The following PPP1R3D variants were observed in gnomAD, a reference collection of about 807,000 sequenced individuals.
The protein encoded by PPP1R3D is protein phosphatase 1 regulatory subunit 3D, also known as PP1 subunit R6.
A neutral mutation model predicts 16.3 loss-of-function variants in PPP1R3D; 27 were observed. The observed-to-expected ratio is 1.66, with a 90% CI of 1.22 to 2.29. PPP1R3D has a LOEUF of 2.29. Among genes scored for constraint, PPP1R3D ranks in the 30% most tolerant of loss-of-function variants. The probability of loss-of-function intolerance (pLI) is 0.00; values close to 1 mark genes in which losing one functional copy is unlikely to be tolerated. For synonymous variants in PPP1R3D, 223 were observed against 209.7 expected (o/e 1.06, Z -0.55); for missense variants, 472 against 438.3 (o/e 1.08, Z -0.69).
At position 59,938,783 on chromosome 20, in the gene PPP1R3D, C is replaced by G. The variant is rs952637225; in HGVS notation, c.*249G>C. On this transcript the variant is annotated 3_prime_UTR_variant, in exon 1 of 1. Coordinates refer to ENST00000370996, the MANE Select transcript of PPP1R3D (RefSeq NM_006242.4). ...CCCACCCTCCCATGCACCTACCCCA[C>G]CACCCTGCCCCAACTCATTACACAA... 1 of 354,782 alleles carries G rather than the reference C, an allele frequency of 2.8e-6. No homozygotes were observed. The highest frequency in any genetic ancestry group is 5.0e-6 in the Non-Finnish European group (1 of 199,274). 22.0% of individuals were successfully genotyped at this position (354,782 alleles called of 1,614,324 possible). A position where few individuals can be genotyped will look rare whatever the true frequency, so the allele number is the denominator to read the frequency against.
At position 59,938,294 on chromosome 20, in the gene PPP1R3D, A is replaced by T. The variant is rs568605770; in HGVS notation, c.*738T>A. The T allele has an allele frequency of 5.2e-5, 8 of 152,418 alleles. No homozygotes were observed. Among genetic ancestry groups the T allele is most frequent in the African/African-American group, 1.9e-4 (8 of 41,592 alleles). 9.4% of individuals were successfully genotyped at this position (152,418 alleles called of 1,614,324 possible). ...AATGCAGAGAAATAACTGTTTTGCT[A>T]GTTTAAAAGTCTGAAGCTTTTCCCT... is the stretch of plus-strand genomic sequence containing the variant. On this transcript the variant is annotated 3_prime_UTR_variant, in exon 1 of 1. Transcript: ENST00000370996.
rs2060878897 is a variant in PPP1R3D, at chr20:59,939,026, C to T, written c.*6G>A. On this transcript the variant is annotated 3_prime_UTR_variant, in exon 1 of 1. Coordinates refer to ENST00000370996, the MANE Select transcript of PPP1R3D (RefSeq NM_006242.4). ...GGAGGCTCCAGGTGGCCGGTCCCCG[C>T]GCGGCTCAGATGAAGTGGATCCAGC... 1 of 1,510,838 alleles carries T rather than the reference C, an allele frequency of 6.6e-7. No individual in the cohort carries two copies. The highest frequency in any genetic ancestry group is 8.8e-7 in the Non-Finnish European group (1 of 1,132,010). The allele number at this position is 1,510,838 out of a possible 1,614,324, so 93.6% of individuals were successfully genotyped here.
chr20:59,939,356 C>G lies in PPP1R3D; in HGVS notation c.576G>C (p.Thr192=). 1 of 1,610,880 alleles carries G rather than the reference C, an allele frequency of 6.2e-7. No individual in the cohort carries two copies. Among genetic ancestry groups the G allele is most frequent in the South Asian group, 1.1e-5 (1 of 91,034 alleles). ...CGAAGGCCACGTTGCACACGCGCAC[C>G]GTACCGCTGATGCCAAGGTCCGAGC... ...VTCSDLGISG[T]VRVCNVAFEK... Residue 192 remains threonine, a synonymous_variant, in exon 1 of 1, where the codon ACG becomes ACC. Transcript: ENST00000370996.
Position 59,939,586 on chromosome 20 carries a change from C to A in PPP1R3D, c.346G>T (p.Val116Phe). The change falls in exon 1 of 1, where the codon GTC (valine) becomes TTC (phenylalanine). Residue 116 changes from valine (V) to phenylalanine (F), a missense_variant. By Grantham distance (50) the Val-to-Phe change is conservative. Transcript: ENST00000370996. ...TCGTCTCCCGCGTTGAACACCTTGACCTGTGCCAGCTCCAAGCCCAGGGCG... is the reference window on the plus strand; with the variant it reads ...TCGTCTCCCGCGTTGAACACCTTGAACTGTGCCAGCTCCAAGCCCAGGGCG... ...ADALGLELAQ[V>F]KVFNAGDDPS... is the part of the protein sequence containing the mutation. 6.2e-7 allele frequency: 1 copy of A among 1,608,006 alleles called. No individual in the cohort carries two copies. Among genetic ancestry groups the A allele is most frequent in the Non-Finnish European group, 8.5e-7 (1 of 1,177,320 alleles).
Position 59,939,509 on chromosome 20 carries a change from C to T in PPP1R3D, c.423G>A (p.Leu141=), listed in dbSNP as rs776378402. Residue 141 remains leucine, a synonymous_variant, in exon 1 of 1, where the codon CTG becomes CTA. Transcript: ENST00000370996. The part of the protein sequence containing the change: ...VLSRLAINSD[L]CCSSQDLEFT... ...ACTCCAGGTCCTGGCTGCTGCAGCACAGGTCCGAGTTGATTGCGAGCCGCG... is the reference window on the plus strand; with the variant it reads ...ACTCCAGGTCCTGGCTGCTGCAGCATAGGTCCGAGTTGATTGCGAGCCGCG... 6.8e-6 allele frequency: 11 copies of T among 1,612,084 alleles called. No individual in the cohort carries two copies. In the Admixed American group the frequency reaches 1.7e-4, roughly 24 times the overall value.
At position 59,939,121 on chromosome 20, in the gene PPP1R3D, C is replaced by G. The variant is rs371051588; in HGVS notation, c.811G>C (p.Asp271His). The G allele has an allele frequency of 1.6e-5, 25 of 1,605,532 alleles. No homozygotes were observed. The highest frequency in any genetic ancestry group is 2.1e-5 in the Non-Finnish European group (25 of 1,177,650). ...CATGTGAGGCTGTAGTCTCGGTGGT[C>G]GTTGTTGTCCCAGTACTCGGCACCC... ...VAGAEYWDNN[D>H]HRDYSLTCRN... is the part of the protein sequence containing the mutation. The change falls in exon 1 of 1, where the codon GAC (aspartate) becomes CAC (histidine). Residue 271 changes from aspartate (D) to histidine (H), a missense_variant. Transcript: ENST00000370996.
Position 59,938,920 on chromosome 20 carries a change from G to T in PPP1R3D, c.*112C>A. 2 of 1,085,074 alleles carry T rather than the reference G, an allele frequency of 1.8e-6. No homozygotes were observed. Among genetic ancestry groups the T allele is most frequent in the South Asian group, 2.4e-5 (1 of 41,392 alleles). 67.2% of individuals were successfully genotyped at this position (1,085,074 alleles called of 1,614,324 possible). On this transcript the variant is annotated 3_prime_UTR_variant, in exon 1 of 1. Transcript: ENST00000370996. ...GACCTTGCAGCAGAAAATTAGGTCAGAGGACTTGGAGGGTGGTGAAGAACA... is the reference window on the plus strand; with the variant it reads ...GACCTTGCAGCAGAAAATTAGGTCATAGGACTTGGAGGGTGGTGAAGAACA...
rs758645982 is a variant in PPP1R3D at position 59,939,387 on chromosome 20, A to G, written c.545T>C (p.Val182Ala). The G allele has an allele frequency of 1.9e-6, 3 of 1,610,744 alleles. No homozygotes were observed. The highest frequency in any genetic ancestry group is 2.5e-6 in the Non-Finnish European group (3 of 1,179,526). Residue 182 changes from valine to alanine, a missense_variant, in exon 1 of 1, where the codon GTC becomes GCC. Transcript: ENST00000370996. Reference protein sequence around the residue: ...LQRQLVCLERVTCSDLGISGT... With the variant: ...LQRQLVCLERATCSDLGISGT... ...GCTGATGCCAAGGTCCGAGCAAGTG[A>G]CACGCTCCAGGCACACGAGCTGCCG...
At position 59,937,057 on chromosome 20, in the gene PPP1R3D, T is replaced by C. The variant is rs890328940; in HGVS notation, c.*1975A>G. 2 of 152,648 alleles carry C rather than the reference T, an allele frequency of 1.3e-5. No individual in the cohort carries two copies. The highest frequency in any genetic ancestry group is 4.8e-5 in the African/African-American group (2 of 41,446). 9.5% of individuals were successfully genotyped at this position (152,648 alleles called of 1,614,324 possible). On this transcript the variant is annotated 3_prime_UTR_variant, in exon 1 of 1. Coordinates refer to ENST00000370996, the MANE Select transcript of PPP1R3D (RefSeq NM_006242.4). ...AAGCTTTTAAATTTCATAATGTTGG[T>C]ATTTTTTAAAAGGCACGGGAGGTTC...
rs778759736 is a variant in PPP1R3D at position 59,939,139 on chromosome 20, C to T, written c.793G>A (p.Glu265Lys). The change falls in exon 1 of 1, where the codon GAG becomes AAG. Residue 265 changes from glutamate (E) to lysine (K), a missense_variant. Coordinates refer to ENST00000370996, the MANE Select transcript of PPP1R3D (RefSeq NM_006242.4). ...FAVRYQVAGA[E>K]YWDNNDHRDY... ...CGGTGGTCGTTGTTGTCCCAGTACTCGGCACCCGCCACTTGGTAGCGCACC... is the reference window on the plus strand; with the variant it reads ...CGGTGGTCGTTGTTGTCCCAGTACTTGGCACCCGCCACTTGGTAGCGCACC... 3 of 1,603,496 alleles carry T rather than the reference C, an allele frequency of 1.9e-6. No individual in the cohort carries two copies. The highest frequency in any genetic ancestry group is 2.6e-6 in the Non-Finnish European group (3 of 1,176,318).
chr20:59,939,549 GGCACGGACGGGTCGTCTCCC>G lies in PPP1R3D; in HGVS notation c.363_382del (p.Gly122AlafsTer229). On this transcript the variant is annotated frameshift_variant, in exon 1 of 1. Transcript: ENST00000370996. LOFTEE classifies it high-confidence loss of function. ...TGCGAGCCGCGACAGCACGTGCAGCGGCACGGACGGGTCGTCTCCCGCGTTGAACACCTTGACCTGTGCCA... is the reference window on the plus strand; with the variant it reads ...TGCGAGCCGCGACAGCACGTGCAGCGGCGTTGAACACCTTGACCTGTGCCA... The G allele has an allele frequency of 6.2e-7, 1 of 1,611,760 alleles. No homozygotes were observed. The highest frequency in any genetic ancestry group is 2.2e-5 in the East Asian group (1 of 44,850).
At position 59,939,927 on chromosome 20, in the gene PPP1R3D, G is replaced by A. The variant is rs1235703440; in HGVS notation, c.5C>T (p.Ser2Phe). The A allele has an allele frequency of 1.6e-6, 2 of 1,262,336 alleles. No homozygotes were observed. The highest frequency in any genetic ancestry group is 2.0e-6 in the Non-Finnish European group (2 of 998,250). 78.2% of individuals were successfully genotyped at this position (1,262,336 alleles called of 1,614,324 possible). ...CAGGACCGCGGAGCTCGGGCCTCTG[G>A]ACATGGCCCCGCCGGCCGTCGGAAG... is the stretch of plus-strand genomic sequence containing the variant. M[S>F]RGPSSAVLPS... The change falls in exon 1 of 1, where the codon TCC (serine) becomes TTC (phenylalanine). Residue 2 changes from serine to phenylalanine, a missense_variant. Physicochemically the swap from Ser to Phe is radical, Grantham distance 155. Coordinates refer to ENST00000370996, the MANE Select transcript of PPP1R3D (RefSeq NM_006242.4).
At position 59,938,859 on chromosome 20, in the gene PPP1R3D, G is replaced by A. The variant is rs2060877744; in HGVS notation, c.*173C>T. ...ACTTTTTAGACCAAGTGACTCAGAC[G>A]TTTCAAGTAGAAGACAGGATGGGCC... On this transcript the variant is annotated 3_prime_UTR_variant, in exon 1 of 1. Coordinates refer to ENST00000370996, the MANE Select transcript of PPP1R3D (RefSeq NM_006242.4). The A allele has an allele frequency of 1.7e-5, 9 of 543,864 alleles. No homozygotes were observed. Among genetic ancestry groups the A allele is most frequent in the Admixed American group, 4.0e-5 (1 of 24,712 alleles). The allele number at this position is 543,864 out of a possible 1,614,324, so 33.7% of individuals were successfully genotyped here.
In PPP1R3D at chr20:59,938,138, G is replaced by A. The variant is rs1725215226; in HGVS notation, c.*894C>T. ...GTAATTGCAAAGGGCACTGTTGCCT[G>A]AAATTCTCTAGTCACCTGAAAACTG... On this transcript the variant is annotated 3_prime_UTR_variant, in exon 1 of 1. Transcript: ENST00000370996. The A allele has an allele frequency of 6.6e-6, 1 of 152,222 alleles. No individual in the cohort carries two copies. Among genetic ancestry groups the A allele is most frequent in the Non-Finnish European group, 1.5e-5 (1 of 68,034 alleles). 9.4% of individuals were successfully genotyped at this position (152,222 alleles called of 1,614,324 possible). A position where few individuals can be genotyped will look rare whatever the true frequency, so the allele number is the denominator to read the frequency against.
In PPP1R3D at chr20:59,939,926, G is replaced by T; in HGVS notation, c.6C>A (p.Ser2=). 1 of 1,261,998 alleles carries T rather than the reference G, an allele frequency of 7.9e-7. No individual in the cohort carries two copies. 78.2% of individuals were successfully genotyped at this position (1,261,998 alleles called of 1,614,324 possible). A position where few individuals can be genotyped will look rare whatever the true frequency, so the allele number is the denominator to read the frequency against. M[S]RGPSSAVLPS... ...GCAGGACCGCGGAGCTCGGGCCTCT[G>T]GACATGGCCCCGCCGGCCGTCGGAA... is the stretch of plus-strand genomic sequence containing the variant. Residue 2 remains serine, a synonymous_variant, in exon 1 of 1, where the codon TCC becomes TCA. Transcript: ENST00000370996.
In PPP1R3D at chr20:59,938,983, G is replaced by C; in HGVS notation, c.*49C>G. ...TGAGAGCCCAGCAGGGAAATGACAG[G>C]AGGCGCAGCTTAGGTGTGGAGGCTC... On this transcript the variant is annotated 3_prime_UTR_variant, in exon 1 of 1. Coordinates refer to ENST00000370996, the MANE Select transcript of PPP1R3D (RefSeq NM_006242.4). The C allele has an allele frequency of 2.1e-6, 3 of 1,447,384 alleles. No homozygotes were observed. Among genetic ancestry groups the C allele is most frequent in the Non-Finnish European group, 2.7e-6 (3 of 1,100,528 alleles). 89.7% of individuals were successfully genotyped at this position (1,447,384 alleles called of 1,614,324 possible). A position where few individuals can be genotyped will look rare whatever the true frequency, so the allele number is the denominator to read the frequency against.
In PPP1R3D at chr20:59,939,252, G is replaced by T. The variant is rs1290691086; in HGVS notation, c.680C>A (p.Ala227Glu). 3.7e-6 allele frequency: 6 copies of T among 1,611,806 alleles called. No individual in the cohort carries two copies. The East Asian group carries it at 1.1e-4, about 30-fold the overall frequency. ...AACGTCCTCCGTGCCCTCGGGGCCT[G>T]CGGGCCCGCGCCACCGCGCCACCGC... ...HEAVARWRGP[A>E]GPEGTEDVFT... is the part of the protein sequence containing the mutation. Residue 227 changes from alanine (A) to glutamate (E), a missense_variant, in exon 1 of 1, where the codon GCA (alanine) becomes GAA (glutamate). Physicochemically the swap from Ala to Glu is moderately radical, Grantham distance 107. Coordinates refer to ENST00000370996, the MANE Select transcript of PPP1R3D (RefSeq NM_006242.4).
rs1286504626 is a variant in PPP1R3D, at chr20:59,938,943, ACAAC to A, written c.*85_*88del. 1.5e-6 allele frequency: 2 copies of A among 1,306,590 alleles called. No homozygotes were observed. The highest frequency in any genetic ancestry group is 2.0e-6 in the Non-Finnish European group (2 of 994,344). The allele number at this position is 1,306,590 out of a possible 1,614,324, so 80.9% of individuals were successfully genotyped here. ...CAGAGGACTTGGAGGGTGGTGAAGA[ACAAC>A]CAGATAGATGTGAGAGCCCAGCAGG... On this transcript the variant is annotated 3_prime_UTR_variant, in exon 1 of 1. Transcript: ENST00000370996.
chr20:59,937,279 G>A lies in PPP1R3D; in HGVS notation c.*1753C>T, dbSNP rs1052752602. 1.3e-5 allele frequency: 2 copies of A among 152,644 alleles called. No homozygotes were observed. The highest frequency in any genetic ancestry group is 4.8e-5 in the African/African-American group (2 of 41,444). The allele number at this position is 152,644 out of a possible 1,614,324, so 9.5% of individuals were successfully genotyped here. A position where few individuals can be genotyped will look rare whatever the true frequency, so the allele number is the denominator to read the frequency against. ...TAGCAGTGAAGGCCCTAACAGGCTT[G>A]CTGACCTAATTGGACAGTTTGTTAA... On this transcript the variant is annotated 3_prime_UTR_variant, in exon 1 of 1. Coordinates refer to ENST00000370996, the MANE Select transcript of PPP1R3D (RefSeq NM_006242.4).
Sources: gnomAD v4.1 joint callset for allele counts on GRCh38, gnomAD v4.1.1 for gene constraint, MANE v1.5 for transcripts, NCBI Gene and HGNC (gene_info 2026-07-23, HGNC 2026-07-21) for gene names.